Variants in TLN2 observed in about 807,000 individuals in gnomAD.
The protein encoded by TLN2 is talin-2.
A neutral mutation model predicts 294.7 loss-of-function variants in TLN2; 118 were observed. That is an observed-to-expected ratio of 0.40 (90% CI 0.34 to 0.47). The LOEUF (loss-of-function observed/expected upper bound fraction) is 0.47, where lower values mean the gene tolerates loss of function less well. TLN2 is among the 20% of genes least tolerant of loss of function. TLN2 has a pLI of 0.84. For missense variants in TLN2, 3,083 were observed against 3,282.2 expected, an observed-to-expected ratio of 0.94 and a Z score of 1.48; for synonymous variants, 1,431 against 1,304.5, an observed-to-expected ratio of 1.10 and a Z score of -2.09.
At chr15:62,784,792 G>C (rs372593368) in intron 45 of TLN2, 71 of 152,340 alleles carry the variant, frequency 4.7e-4, no homozygotes, top group African/African-American at 1.6e-3. Context: ...TTTATTGAGC[G>C]CAAACCATGT....
intron 1 of TLN2, among the ~76,000 whole-genome samples, chr15:62,489,309 A>G (rs187700691): frequency 1.2e-3 from 177 of 152,346 alleles, no homozygotes; most frequent in African/African-American, 4.2e-3. Context: ...GTGAAAAACC[A>G]AACAGGTTAC....
intron 1 of TLN2, among the ~76,000 whole-genome samples, chr15:62,447,917 C>G (rs2035910532): frequency 6.6e-6 from 1 of 152,198 alleles, no homozygotes; most frequent in African/African-American, 2.4e-5. Flanking sequence ...CTCAGTCTGA[C>G]AGGCTACAAA....
chr15:62,755,819 G>T, intron 37 of TLN2, 126 bp downstream of exon 37: 1 of 1,297,610 alleles, frequency 7.7e-7, no homozygotes, highest in East Asian at 2.5e-5. Flanking sequence ...TCAGTCTTAT[G>T]GTTTGTGTCA....
At chr15:62,734,645 C>T (rs948422722) in intron 28 of TLN2, among the ~76,000 whole-genome samples, 34 of 152,342 alleles carry the variant, frequency 2.2e-4, no homozygotes, top group African/African-American at 8.2e-4. Flanking sequence ...CCATAAAAAG[C>T]ACTTAGTTTA....
At chr15:62,716,582 G>GT in intron 23 of TLN2, 123 bp downstream of exon 23, 1 of 1,322,324 alleles carries the variant, frequency 7.6e-7, no homozygotes, top group Non-Finnish European at 1.0e-6. Context: ...TCACATCATT[G>GT]TTTGAAGGTT....
intron 8 of TLN2, among the ~76,000 whole-genome samples, chr15:62,657,202 G>A (rs1036298167): frequency 1.3e-5 from 2 of 151,918 alleles, no homozygotes; most frequent in Non-Finnish European, 2.9e-5. Context: ...GGGAGGAGGA[G>A]GAGTTCAGAC....
At chr15:62,786,837 T>G (rs994599765) in intron 45 of TLN2, among the ~76,000 whole-genome samples, 1 of 152,188 alleles carries the variant, frequency 6.6e-6, no homozygotes, top group Non-Finnish European at 1.5e-5. Context: ...AAATGCAGTT[T>G]TTGCCATTAC....
At chr15:62,663,275 A>T (rs1769920389) in intron 9 of TLN2, among the ~76,000 whole-genome samples, 1 of 152,210 alleles carries the variant, frequency 6.6e-6, no homozygotes, top group Non-Finnish European at 1.5e-5. Flanking sequence ...AATAATCTTG[A>T]TGACAAAAAG....
At chr15:62,484,732 G>A (rs2038296835) in intron 1 of TLN2, among the ~76,000 whole-genome samples, 1 of 152,132 alleles carries the variant, frequency 6.6e-6, no homozygotes, top group Non-Finnish European at 1.5e-5. Flanking sequence ...GCTGGACCGA[G>A]GTTTTTCTGC....
At chr15:62,665,504 C>T (rs181059666) in intron 9 of TLN2, among the ~76,000 whole-genome samples, 41 of 152,270 alleles carry the variant, frequency 2.7e-4, no homozygotes, top group Non-Finnish European at 5.4e-4. Flanking sequence ...CTGCGTGTTA[C>T]GTGAAGAAAT....
Position 62,433,707 on chromosome 15 carries a change from A to G in TLN2, c.-238+43022A>G, listed in dbSNP as rs563745034. On this transcript the variant is annotated intron_variant, in intron 1 of 58. Transcript: ENST00000636159. ...ATACTAATCTTATCATACCTGCCTCAGTTATTTGAAGCTTGAATGAATCGA... is the reference window on the plus strand; with the variant it reads ...ATACTAATCTTATCATACCTGCCTCGGTTATTTGAAGCTTGAATGAATCGA... Among the ~76,000 whole-genome samples, 10 of 152,216 alleles carry G rather than the reference A, an allele frequency of 6.6e-5. No homozygotes were observed. The East Asian group carries it at 1.7e-3, about 26-fold the overall frequency.
chr15:62,694,840 A>C (rs557921733), intron 14 of TLN2, among the ~76,000 whole-genome samples: 21 of 152,160 alleles, frequency 1.4e-4, no homozygotes, highest in Non-Finnish European at 2.5e-4. Context: ...GAGTGCTGTG[A>C]GGTAGCATAG....
chr15:62,756,956 G>C (rs138757703), intron 37 of TLN2, among the ~76,000 whole-genome samples: 313 of 152,294 alleles, frequency 2.1e-3, no homozygotes, highest in Admixed American at 5.8e-3. Context: ...AGTAAGCTCA[G>C]TTGAAGTTGA....
At chr15:62,486,832 T>C (rs1356876460) in intron 1 of TLN2, among the ~76,000 whole-genome samples, 4 of 151,502 alleles carry the variant, frequency 2.6e-5, no homozygotes, top group Admixed American at 2.0e-4. Context: ...TTTTAATGTA[T>C]ATTGGATTTT....
At chr15:62,839,406 GGAA>G (rs1473031344) in intron 58 of TLN2, among the ~76,000 whole-genome samples, 6 of 152,196 alleles carry the variant, frequency 3.9e-5, no homozygotes, top group Non-Finnish European at 8.8e-5. Context: ...ATTGTAGAAA[GGAA>G]GAAGAGCAAA....
chr15:62,718,207 T>C (rs1481778819), intron 24 of TLN2, among the ~76,000 whole-genome samples: 1 of 152,202 alleles, frequency 6.6e-6, no homozygotes, highest in Admixed American at 6.5e-5. Context: ...TTGAGGCCAG[T>C]TTACTACAAA....
At chr15:62,472,202 G>A (rs947209940) in intron 1 of TLN2, among the ~76,000 whole-genome samples, 1 of 152,062 alleles carries the variant, frequency 6.6e-6, no homozygotes, top group Non-Finnish European at 1.5e-5. Context: ...GGGTCTGTGT[G>A]CAAGTCATTT....
chr15:62,704,357 A>G lies in TLN2; in HGVS notation c.2004+1493A>G, dbSNP rs542859223. 1.5e-3 allele frequency among the ~76,000 whole-genome samples: 224 copies of G among 152,312 alleles called. 3 individuals are homozygous for G. The highest frequency in any genetic ancestry group is 8.7e-3 in the South Asian group (42 of 4,824). On this transcript the variant is annotated intron_variant, in intron 19 of 58. Transcript: ENST00000636159. ...TTTGGCAATGATTTTATAATATTTTATAGACGGAACAAAAAGATCCTCTGG... is the reference window on the plus strand; with the variant it reads ...TTTGGCAATGATTTTATAATATTTTGTAGACGGAACAAAAAGATCCTCTGG...
chr15:62,560,195 C>G (rs2042842159), intron 1 of TLN2, among the ~76,000 whole-genome samples: 1 of 152,222 alleles, frequency 6.6e-6, no homozygotes, highest in South Asian at 2.1e-4. Flanking sequence ...TAAGTATTTG[C>G]TAGAGAAAAT....
Sources: gnomAD v4.1 joint callset for allele counts (sites outside exome capture counted in the v4.1 genomes callset) on GRCh38, gnomAD v4.1.1 for gene constraint, MANE v1.5 for transcripts, NCBI Gene and HGNC (gene_info 2026-07-23, HGNC 2026-07-21) for gene names.